The following ROBO2 variants were observed in gnomAD, a reference collection of about 807,000 sequenced individuals.
ROBO2 encodes roundabout homolog 2.
Under a neutral mutation model 160.8 loss-of-function variants are expected in ROBO2, and 53 were observed. The observed-to-expected ratio is 0.33, with a 90% CI of 0.26 to 0.41. The LOEUF (loss-of-function observed/expected upper bound fraction) is 0.41, where lower values mean the gene tolerates loss of function less well. Among genes scored for constraint, ROBO2 ranks in the 10% least tolerant of loss-of-function variants. The probability of loss-of-function intolerance (pLI) is 1.00; values close to 1 mark genes in which losing one functional copy is unlikely to be tolerated. For synonymous variants in ROBO2, 664 were observed against 611.7 expected, an observed-to-expected ratio of 1.09 and a Z score of -1.26; for missense variants, 1,577 against 1,722.4, an observed-to-expected ratio of 0.92 and a Z score of 1.49.
At chr3:76,955,986 A>C (rs913011864) in intron 2 of ROBO2, among the ~76,000 whole-genome samples, 7 of 152,152 alleles carry the variant, frequency 4.6e-5, no homozygotes, top group African/African-American at 1.7e-4. Flanking sequence ...TTAACCCACA[A>C]ATGTGTACAT....
chr3:75,908,610 T>C (rs1462362873), intron 1 of ROBO2, among the ~76,000 whole-genome samples: 1 of 152,160 alleles, frequency 6.6e-6, no homozygotes, highest in African/African-American at 2.4e-5. Flanking sequence ...AGTTTAGTTC[T>C]TTACCCAAAC....
chr3:76,740,344 A>G (rs2093782009), intron 2 of ROBO2, among the ~76,000 whole-genome samples: 1 of 152,172 alleles, frequency 6.6e-6, no homozygotes, highest in Non-Finnish European at 1.5e-5. Context: ...TCTGTCTGCT[A>G]TGTTGCGTTA....
chr3:77,600,104 A>T (rs2094401762), intron 19 of ROBO2, among the ~76,000 whole-genome samples: 1 of 152,200 alleles, frequency 6.6e-6, no homozygotes. Context: ...AACATTAAGG[A>T]CTGGTAGGTG....
At chr3:77,409,507 G>A (rs1427407005) in intron 2 of ROBO2, among the ~76,000 whole-genome samples, 2 of 152,108 alleles carry the variant, frequency 1.3e-5, no homozygotes, top group Non-Finnish European at 2.9e-5. Flanking sequence ...TGGCATTTAA[G>A]AATATATCAG....
chr3:76,906,135 T>C (rs1423523676), intron 2 of ROBO2, among the ~76,000 whole-genome samples: 2 of 152,252 alleles, frequency 1.3e-5, no homozygotes, highest in East Asian at 3.9e-4. Flanking sequence ...AAAAAGCCTT[T>C]ATAAGATCTA....
chr3:76,254,928 C>T lies in ROBO2; in HGVS notation c.109+317326C>T, dbSNP rs1156847863. ...ACTGTATTACTTCTTAAAACTATGCCTGTGAATCTATAATTATCTCAATAA... is the reference window on the plus strand; with the variant it reads ...ACTGTATTACTTCTTAAAACTATGCTTGTGAATCTATAATTATCTCAATAA... On this transcript the variant is annotated intron_variant, in intron 2 of 26. Coordinates refer to the ROBO2 transcript ENST00000487694. Among the ~76,000 whole-genome samples the T allele has an allele frequency of 3.3e-5, 5 of 151,904 alleles. No homozygotes were observed. The South Asian group carries it at 8.3e-4, about 25-fold the overall frequency.
At chr3:76,988,579 C>G (rs2060507062) in intron 2 of ROBO2, among the ~76,000 whole-genome samples, 1 of 152,082 alleles carries the variant, frequency 6.6e-6, no homozygotes, top group South Asian at 2.1e-4. Flanking sequence ...CTTTCATTTC[C>G]TTACCTTTTC....
chr3:76,482,898 T>A (rs2107359628), intron 2 of ROBO2, among the ~76,000 whole-genome samples: 1 of 152,314 alleles, frequency 6.6e-6, no homozygotes, highest in South Asian at 2.1e-4. Flanking sequence ...AGCTGGCTTT[T>A]ATATGGGACT....
rs7428039 is a variant in ROBO2, at chr3:75,969,201, A to G, written c.109+31599A>G. On this transcript the variant is annotated intron_variant, in intron 2 of 26. Transcript: ENST00000487694. ...ATAATATGATATATAATATATTATA[A>G]CTATACATCATAGTTTCTTTATCCA... 5.5e-3 allele frequency among the ~76,000 whole-genome samples: 829 copies of G among 149,830 alleles called. 8 individuals carry two copies. Among genetic ancestry groups the G allele is most frequent in the African/African-American group, 0.019 (800 of 41,132 alleles).
intron 1 of ROBO2, among the ~76,000 whole-genome samples, chr3:77,072,328 T>C (rs1387177719): frequency 6.6e-6 from 1 of 152,092 alleles, no homozygotes; most frequent in East Asian, 1.9e-4. Flanking sequence ...ATAATGGAAA[T>C]AAAGTGCACA....
At chr3:77,122,330 A>G (rs1056554983) in intron 2 of ROBO2, among the ~76,000 whole-genome samples, 1 of 152,172 alleles carries the variant, frequency 6.6e-6, no homozygotes, top group Non-Finnish European at 1.5e-5. Context: ...GGTCATGAAC[A>G]TATTTTCTTG....
chr3:77,225,889 G>A (rs2086439912), intron 2 of ROBO2, among the ~76,000 whole-genome samples: 1 of 151,938 alleles, frequency 6.6e-6, no homozygotes, highest in Admixed American at 6.6e-5. Flanking sequence ...TTTTATCACA[G>A]GAAGATGTTC....
chr3:76,375,006 G>A (rs1306224205), intron 2 of ROBO2, among the ~76,000 whole-genome samples: 1 of 150,384 alleles, frequency 6.6e-6, no homozygotes, highest in South Asian at 2.1e-4. Flanking sequence ...CCCCTCCAGA[G>A]TTCACGGGCA....
intron 1 of ROBO2, among the ~76,000 whole-genome samples, chr3:75,915,092 A>T (rs2106770677): frequency 6.6e-6 from 1 of 152,352 alleles, no homozygotes; most frequent in Non-Finnish European, 1.5e-5. Context: ...TGGAAATCAT[A>T]TTATCCATAA....
chr3:77,023,208 G>T (rs960145998), intron 2 of ROBO2, among the ~76,000 whole-genome samples: 1 of 152,100 alleles, frequency 6.6e-6, no homozygotes, highest in Non-Finnish European at 1.5e-5. Context: ...GGCTTATCGG[G>T]GGTTACTGCT....
chr3:76,861,955 A>T (rs548872526), intron 2 of ROBO2, among the ~76,000 whole-genome samples: 6 of 152,276 alleles, frequency 3.9e-5, no homozygotes, highest in African/African-American at 1.4e-4. Flanking sequence ...ATATTCTCAG[A>T]GGCTCTTGCA....
intron 2 of ROBO2, among the ~76,000 whole-genome samples, chr3:76,750,952 G>A (rs1277941176): frequency 1.3e-5 from 2 of 151,984 alleles, no homozygotes; most frequent in Non-Finnish European, 1.5e-5. Context: ...CTACTTTAAA[G>A]TTCATATGGA....
intron 2 of ROBO2, among the ~76,000 whole-genome samples, chr3:76,580,271 G>A (rs1437424932): frequency 8.2e-6 from 1 of 122,190 alleles, no homozygotes; most frequent in Non-Finnish European, 1.8e-5. Flanking sequence ...CTAGAGCCTG[G>A]TTGCTCTTTC....
intron 2 of ROBO2, among the ~76,000 whole-genome samples, chr3:76,643,787 A>C (rs1438845973): frequency 6.6e-6 from 1 of 152,138 alleles, no homozygotes; most frequent in East Asian, 1.9e-4. Context: ...AAGTAAATAG[A>C]ATTTATGGCT....
Sources: gnomAD v4.1 joint callset for allele counts (sites outside exome capture counted in the v4.1 genomes callset) on GRCh38, gnomAD v4.1.1 for gene constraint, MANE v1.5 for transcripts, NCBI Gene and HGNC (gene_info 2026-07-23, HGNC 2026-07-21) for gene names.